The following MEI1 variants were observed in gnomAD, a reference collection of about 807,000 sequenced individuals.
MEI1 encodes meiotic double-stranded break formation protein 1.
A neutral mutation model predicts 146.2 loss-of-function variants in MEI1; 103 were observed. That is an observed-to-expected ratio of 0.70 (90% CI 0.60 to 0.83). MEI1 has a LOEUF of 0.83. Ranked by LOEUF, MEI1 falls within the 40% of genes least tolerant of loss-of-function variation. The pLI, the probability that MEI1 is intolerant of heterozygous loss-of-function variation, is 0.00. For synonymous variants in MEI1, 652 were observed against 628.2 expected (o/e 1.04, Z -0.57); for missense variants, 1,529 against 1,533.0 (o/e 1.00, Z 0.04).
chr22:41,771,150 C>A (rs117885614), intron 20 of MEI1, among the ~76,000 whole-genome samples, 189 bp downstream of exon 20: 2,004 of 152,304 alleles, frequency 0.013, 13 homozygotes, highest in Non-Finnish European at 0.022. Context: ...TAAATCCATA[C>A]TCTTTCCTAA....
intron 19 of MEI1, among the ~76,000 whole-genome samples, chr22:41,765,486 A>G (rs775510410): frequency 1.1e-4 from 17 of 152,328 alleles, no homozygotes; most frequent in Non-Finnish European, 2.4e-4. Flanking sequence ...GTCTCAAAAA[A>G]TAAGATAAAA....
chr22:41,781,982 G>A (rs947689008), intron 24 of MEI1, 137 bp downstream of exon 24: 2 of 940,966 alleles, frequency 2.1e-6, no homozygotes, highest in Non-Finnish European at 3.1e-6. Context: ...TCTGAGCTCA[G>A]TTTCCTTTCC....
At chr22:41,739,472 T>C (rs1313011466) in intron 11 of MEI1, among the ~76,000 whole-genome samples, 3 of 152,014 alleles carry the variant, frequency 2.0e-5, no homozygotes, top group Non-Finnish European at 4.4e-5. Flanking sequence ...TAATTTTACA[T>C]TGTGAAAGTT....
chr22:41,781,156 A>G, intron 22 of MEI1, 128 bp from the exon 23 acceptor site: 2 of 666,692 alleles, frequency 3.0e-6, no homozygotes, highest in Admixed American at 4.5e-5. Flanking sequence ...ATTGGTTGTA[A>G]TATCAGGGAT....
intron 5 of MEI1, 108 bp from the exon 6 acceptor site, chr22:41,717,963 A>C: frequency 1.1e-6 from 1 of 925,222 alleles, no homozygotes. Flanking sequence ...TTTGTGGGGG[A>C]TTATAGGGAC....
intron 19 of MEI1, among the ~76,000 whole-genome samples, chr22:41,769,478 T>C (rs1036639745): frequency 6.9e-6 from 1 of 145,378 alleles, no homozygotes; most frequent in African/African-American, 2.8e-5. Flanking sequence ...ATTAAGGAAT[T>C]TTTTTTTTTT....
chr22:41,711,420 A>AC (rs1329094558), intron 3 of MEI1, among the ~76,000 whole-genome samples: 1 of 151,210 alleles, frequency 6.6e-6, no homozygotes, highest in Admixed American at 6.6e-5. Context: ...ATCCGTTCTG[A>AC]CCCCCCGGGG....
chr22:41,704,414 CTTTT>C (rs563536729), intron 2 of MEI1, among the ~76,000 whole-genome samples: 1 of 137,702 alleles, frequency 7.3e-6, no homozygotes, highest in African/African-American at 2.8e-5. Context: ...AATTCTTACC[CTTTT>C]TTTTTTTTTT....
At chr22:41,773,909 A>T (rs1322460519) in intron 20 of MEI1, among the ~76,000 whole-genome samples, 1 of 152,138 alleles carries the variant, frequency 6.6e-6, no homozygotes, top group African/African-American at 2.4e-5. Context: ...ACAGCAAGGA[A>T]CAACTTTATT....
intron 26 of MEI1, among the ~76,000 whole-genome samples, chr22:41,789,314 AAAAT>A (rs1024777554): frequency 6.6e-6 from 1 of 152,124 alleles, no homozygotes; most frequent in African/African-American, 2.4e-5. Context: ...TCCATCTCAA[AAAAT>A]AAATAAATAA....
At chr22:41,774,150 C>A (rs1602084220) in intron 20 of MEI1, 1 of 152,232 alleles carries the variant, frequency 6.6e-6, no homozygotes, top group African/African-American at 2.4e-5. Flanking sequence ...TCCTCTTTGG[C>A]CAAGTTACGC....
In MEI1 at chr22:41,781,665, G is replaced by T. The variant is rs781076453; in HGVS notation, c.2927-20G>T. On this transcript the variant is annotated intron_variant, in intron 23 of 30. Coordinates refer to ENST00000401548, the MANE Select transcript of MEI1 (RefSeq NM_152513.4). ...CTCCTCTGTAACTCCTGTGGGCCCT[G>T]CCTTGCCCACCCCCGACAGCTGCTG... 2 of 1,610,138 alleles carry T rather than the reference G, an allele frequency of 1.2e-6. No homozygotes were observed. The highest frequency in any genetic ancestry group is 1.7e-6 in the Non-Finnish European group (2 of 1,178,266).
chr22:41,795,871 G>A lies in MEI1; in HGVS notation c.3779+24G>A, dbSNP rs1179874458. On this transcript the variant is annotated intron_variant, in intron 30 of 30. Coordinates refer to ENST00000401548, the MANE Select transcript of MEI1 (RefSeq NM_152513.4). The surrounding 1 kb of genome is among the most constrained non-coding windows in gnomAD (Gnocchi z 4.2). Reference sequence around the variant, plus strand: ...CTGTATCCTTTCTTGCATCTATGATGAAGGAGATGCCAAATCACTGGGTGT... The same window carrying A: ...CTGTATCCTTTCTTGCATCTATGATAAAGGAGATGCCAAATCACTGGGTGT... 6.2e-7 allele frequency: 1 copy of A among 1,613,100 alleles called. No individual in the cohort carries two copies. The highest frequency in any genetic ancestry group is 8.5e-7 in the Non-Finnish European group (1 of 1,179,416).
intron 7 of MEI1, among the ~76,000 whole-genome samples, chr22:41,724,538 A>C (rs2071142689): frequency 6.6e-6 from 1 of 151,718 alleles, no homozygotes. Context: ...GAATGCCTTG[A>C]ATCTGGGAGG....
chr22:41,702,953 C>G (rs972878398), intron 1 of MEI1, among the ~76,000 whole-genome samples: 6 of 151,778 alleles, frequency 4.0e-5, no homozygotes, highest in African/African-American at 1.2e-4. Flanking sequence ...CTCTTGAGCT[C>G]GTGATACGCC....
intron 3 of MEI1, chr22:41,709,274 C>A: frequency 1.2e-6 from 1 of 821,424 alleles, no homozygotes; most frequent in Non-Finnish European, 2.1e-6. Flanking sequence ...CTTGGCATCT[C>A]CATTTTCTGC....
intron 26 of MEI1, among the ~76,000 whole-genome samples, chr22:41,791,151 G>A (rs2076168051): frequency 6.6e-6 from 1 of 152,176 alleles, no homozygotes; most frequent in African/African-American, 2.4e-5. Flanking sequence ...AAGAATCACT[G>A]TGCGAACTGT....
chr22:41,749,774 T>C (rs541444828), intron 15 of MEI1, among the ~76,000 whole-genome samples: 15 of 152,220 alleles, frequency 9.9e-5, no homozygotes, highest in African/African-American at 3.6e-4. Flanking sequence ...GGGCATGGAA[T>C]AGCTGGATGT....
intron 24 of MEI1, 52 bp downstream of exon 24, chr22:41,781,897 T>G: frequency 6.3e-7 from 1 of 1,594,720 alleles, no homozygotes; most frequent in Non-Finnish European, 8.6e-7. Flanking sequence ...CTCAAAGGAG[T>G]GTTGAAGATC....
Sources: gnomAD v4.1 joint callset for allele counts (sites outside exome capture counted in the v4.1 genomes callset) on GRCh38, gnomAD v4.1.1 for gene constraint, Gnocchi (gnomAD v3.1) non-coding constraint, MANE v1.5 for transcripts, NCBI Gene and HGNC (gene_info 2026-07-23, HGNC 2026-07-21) for gene names.